The following WNK1 variants were observed in gnomAD, a reference collection of about 807,000 sequenced individuals.
WNK1 encodes WNK lysine deficient protein kinase 1.
Under a neutral mutation model 222.8 loss-of-function variants are expected in WNK1, and 38 were observed. The observed-to-expected ratio is 0.17, with a 90% confidence interval of 0.13 to 0.22. The LOEUF is 0.22. WNK1 is among the 10% of genes least tolerant of loss of function. WNK1 has a pLI of 1.00. For missense variants in WNK1, 2,348 were observed against 2,918.4 expected, an observed-to-expected ratio of 0.80 and a Z score of 4.50; for synonymous variants, 1,090 against 1,092.9, an observed-to-expected ratio of 1.00 and a Z score of 0.05.
chr12:868,049 C>G, intron 8 of WNK1: 1 of 1,614,016 alleles, frequency 6.2e-7, no homozygotes, highest in Non-Finnish European at 8.5e-7. Context: ...CCACTTCCAA[C>G]CCCTGCTGAG....
Position 884,831 on chromosome 12 carries a change from A to G in WNK1, c.4027A>G (p.Ile1343Val). 6.2e-7 allele frequency: 1 copy of G among 1,614,162 alleles called. No homozygotes were observed. The highest frequency in any genetic ancestry group is 1.1e-5 in the South Asian group (1 of 91,088). Residue 1343 changes from isoleucine to valine, a missense_variant, in exon 19 of 28, where the codon ATT (isoleucine) becomes GTT (valine). Physicochemically the swap from Ile to Val is conservative, Grantham distance 29. Transcript: ENST00000315939. The surrounding 1 kb of genome is among the most constrained non-coding windows in gnomAD (Gnocchi z 5.6). ...AGTAGTACCTCCTTTCTTAAGTAGCATTGCTGGAGTCCCAACCACAGCAGC... is the reference window on the plus strand; with the variant it reads ...AGTAGTACCTCCTTTCTTAAGTAGCGTTGCTGGAGTCCCAACCACAGCAGC... ...FPVVPPFLSSIAGVPTTAAAT... is the reference protein window; with the variant it reads ...FPVVPPFLSSVAGVPTTAAAT...
intron 4 of WNK1, 93 bp downstream of exon 4, chr12:830,253 A>G (rs1948685828): frequency 3.5e-6 from 5 of 1,408,658 alleles, no homozygotes; most frequent in Non-Finnish European, 5.0e-6. Context: ...AGAGGACAAT[A>G]GTGGAAGGCA....
At chr12:904,388 A>T in intron 26 of WNK1, 1 of 1,244,244 alleles carries the variant, frequency 8.0e-7, no homozygotes, top group Non-Finnish European at 1.1e-6. Context: ...CTGTTTGGAG[A>T]TTCTAAATAT....
chr12:845,096 C>T (rs184070613), intron 4 of WNK1, among the ~76,000 whole-genome samples: 2,617 of 151,312 alleles, frequency 0.017, 40 homozygotes, highest in Non-Finnish European at 0.028. Context: ...GGGGTTTCAC[C>T]GTTTTAGCCG....
rs1695364557 is a variant in WNK1, at chr12:871,258, C to T, written c.2140-7C>T. 1.2e-6 allele frequency: 2 copies of T among 1,613,962 alleles called. No individual in the cohort carries two copies. The highest frequency in any genetic ancestry group is 1.3e-5 in the African/African-American group (1 of 74,926). ...TCTAATTTGTTGTGTTCACTTCTTT[C>T]CTTCAGGCACAGGGGCAGAGCCAGG... On this transcript the variant is annotated splice_polypyrimidine_tract_variant and splice_region_variant and intron_variant, in intron 8 of 27. Coordinates refer to ENST00000315939, the MANE Select transcript of WNK1 (RefSeq NM_018979.4).
rs921761535 is a variant in WNK1, at chr12:879,963, A to G, written c.2764A>G (p.Met922Val). Residue 922 changes from methionine to valine, a missense_variant, in exon 11 of 28, where the codon ATG (methionine) becomes GTG (valine). This residue lies in a region of WNK1 where 547 missense variants were observed against 558.3 expected (regional missense o/e 0.98). Transcript: ENST00000315939. ...PQLLQPAVQS[M>V]GIPANLGQAA... is the part of the protein sequence containing the mutation. ...GCTCCTACAACCAGCAGTTCAGTCC[A>G]TGGGAATACCAGCTAACCTTGGACA... 2 of 1,614,190 alleles carry G rather than the reference A, an allele frequency of 1.2e-6. No individual in the cohort carries two copies. Among genetic ancestry groups the G allele is most frequent in the Non-Finnish European group, 8.5e-7 (1 of 1,180,032 alleles).
intron 1 of WNK1, among the ~76,000 whole-genome samples, chr12:785,609 G>T (rs768068713): frequency 2.6e-5 from 4 of 152,054 alleles, no homozygotes; most frequent in Non-Finnish European, 5.9e-5. Context: ...GTGTTCGCCA[G>T]GGTGATCTGG....
rs1939549890 is a variant in WNK1 at position 753,820 on chromosome 12, C to T, written c.255C>T (p.Ile85=). The change falls in exon 1 of 28, where the codon ATC becomes ATT. Residue 85 remains isoleucine, a synonymous_variant. Coordinates refer to ENST00000315939, the MANE Select transcript of WNK1 (RefSeq NM_018979.4). The surrounding 1 kb of genome is among the most constrained non-coding windows in gnomAD (Gnocchi z 5.2). The stretch of plus-strand genomic sequence containing the variant: ...ACCGCTTCTTCCGCCGGAGCGTCAT[C>T]TGTGACTCCAATGCCACTGCACTGG... The part of the protein sequence containing the change: ...TEHRFFRRSV[I]CDSNATALEL... 6.2e-7 allele frequency: 1 copy of T among 1,612,660 alleles called. No individual in the cohort carries two copies. Among genetic ancestry groups the T allele is most frequent in the South Asian group, 1.1e-5 (1 of 91,094 alleles).
At chr12:901,533 G>A (rs545072205) in intron 26 of WNK1, 5 of 1,284,688 alleles carry the variant, frequency 3.9e-6, no homozygotes, top group Non-Finnish European at 5.1e-6. Context: ...TCCTCTCTCT[G>A]TTCTACCCTG....
intron 1 of WNK1, among the ~76,000 whole-genome samples, chr12:768,678 G>C (rs1043622476): frequency 3.3e-5 from 5 of 152,144 alleles, no homozygotes; most frequent in African/African-American, 1.2e-4. Context: ...TACTTGGTGT[G>C]AATACCTCAT....
intron 4 of WNK1, chr12:851,592 C>A: frequency 8.3e-7 from 1 of 1,211,852 alleles, no homozygotes; most frequent in Non-Finnish European, 1.1e-6. Flanking sequence ...GTGTTTCAGT[C>A]TGACTTTGAT....
chr12:808,153 A>G (rs536878774), intron 1 of WNK1, among the ~76,000 whole-genome samples: 23 of 152,274 alleles, frequency 1.5e-4, no homozygotes, highest in Non-Finnish European at 2.8e-4. Flanking sequence ...TAACCCTGTT[A>G]GCTGCTTTCA....
chr12:857,576 T>C (rs946359925), intron 5 of WNK1, among the ~76,000 whole-genome samples: 3 of 152,244 alleles, frequency 2.0e-5, no homozygotes, highest in African/African-American at 7.2e-5. Context: ...GGAAATCTTT[T>C]CTTAGTCCTT....
Position 881,743 on chromosome 12 carries a change from C to T in WNK1, c.3163C>T (p.Gln1055Ter). 6.2e-7 allele frequency: 1 copy of T among 1,614,202 alleles called. No individual in the cohort carries two copies. Among genetic ancestry groups the T allele is most frequent in the Non-Finnish European group, 8.5e-7 (1 of 1,180,038 alleles). The change falls in exon 13 of 28, where the codon CAG (glutamine) becomes TAG (stop). Residue 1055 changes from glutamine (Q) to a stop codon, truncating the protein, a stop_gained. Coordinates refer to ENST00000315939, the MANE Select transcript of WNK1 (RefSeq NM_018979.4). LOFTEE classifies it high-confidence loss of function. ...TCCTGCAGAGCCAGTTGCAGTAGCA[C>T]AGACCCAAGCTACCCAGCCGACCAC... is the stretch of plus-strand genomic sequence containing the variant. Reference protein sequence around the residue: ...VAPAEPVAVAQTQATQPTTLA... With the variant: ...VAPAEPVAVA
intron 20 of WNK1, among the ~76,000 whole-genome samples, chr12:888,383 T>G (rs1404047594): frequency 6.6e-6 from 1 of 152,206 alleles, no homozygotes; most frequent in Non-Finnish European, 1.5e-5. Context: ...TTTTCTCATT[T>G]AAAAACATGG....
At chr12:846,974 C>T (rs1950068577) in intron 4 of WNK1, among the ~76,000 whole-genome samples, 1 of 152,122 alleles carries the variant, frequency 6.6e-6, no homozygotes, top group South Asian at 2.1e-4. Context: ...CTATGTCTAT[C>T]CAGCAAATTT....
intron 4 of WNK1, among the ~76,000 whole-genome samples, chr12:850,748 G>A (rs1045939736): frequency 6.7e-4 from 102 of 152,184 alleles, no homozygotes; most frequent in Non-Finnish European, 1.3e-3. Flanking sequence ...ATTTTTGTAT[G>A]AGGTGTAAGG....
chr12:873,087 C>T (rs1409937103), intron 9 of WNK1, among the ~76,000 whole-genome samples: 1 of 152,200 alleles, frequency 6.6e-6, no homozygotes, highest in Non-Finnish European at 1.5e-5. Flanking sequence ...TTACAAGTCA[C>T]ATAAAGCTGG....
Position 881,913 on chromosome 12 carries a change from C to T in WNK1, c.3212C>T (p.Ala1071Val). 6.2e-7 allele frequency: 1 copy of T among 1,614,070 alleles called. No homozygotes were observed. Among genetic ancestry groups the T allele is most frequent in the African/African-American group, 1.3e-5 (1 of 75,000 alleles). The change falls in exon 14 of 28, where the codon GCA becomes GTA. Residue 1071 changes from alanine (A) to valine (V), a missense_variant and splice_region_variant. Ala to Val is a moderately conservative substitution (Grantham distance 64). Transcript: ENST00000315939. The stretch of plus-strand genomic sequence containing the variant: ...TTTTTTCTTTTTAAATTTCAAAGTG[C>T]ACATTCAGATGTTGCTTCAGGTATG... ...PTTLASSVDSAHSDVASGMSD... is the reference protein window; with the variant it reads ...PTTLASSVDSVHSDVASGMSD...
Sources: gnomAD v4.1 joint callset for allele counts (sites outside exome capture counted in the v4.1 genomes callset) on GRCh38, gnomAD v4.1.1 for gene constraint, gnomAD v4.1.1 regional missense constraint, Gnocchi (gnomAD v3.1) non-coding constraint, MANE v1.5 for transcripts, NCBI Gene and HGNC (gene_info 2026-07-23, HGNC 2026-07-21) for gene names.